PARD3: variants seen among roughly 807,000 people sequenced by gnomAD.
PARD3 encodes the protein par-3 family cell polarity regulator.
Under a neutral mutation model 155.4 loss-of-function variants are expected in PARD3, and 75 were observed. The observed-to-expected ratio is 0.48, with a 90% CI of 0.40 to 0.58. The LOEUF is 0.58. PARD3 is among the 20% of genes least tolerant of loss of function. The pLI, the probability that PARD3 is intolerant of heterozygous loss-of-function variation, is 0.00. For synonymous variants in PARD3, 576 were observed against 610.5 expected (o/e 0.94, Z 0.83); for missense variants, 1,642 against 1,721.7 (o/e 0.95, Z 0.82).
chr10:34,379,007 T>C (rs1841552903), intron 9 of PARD3, among the ~76,000 whole-genome samples: 1 of 152,160 alleles, frequency 6.6e-6, no homozygotes, highest in Admixed American at 6.5e-5. Context: ...ACATTTGTAA[T>C]GAATCACAAC....
At chr10:34,673,426 T>C (rs1370967218) in intron 2 of PARD3, among the ~76,000 whole-genome samples, 1 of 152,216 alleles carries the variant, frequency 6.6e-6, no homozygotes, top group African/African-American at 2.4e-5. Flanking sequence ...CTCGAAAATA[T>C]GAATTGTATT....
chr10:34,127,792 C>T (rs1220996230), intron 23 of PARD3, among the ~76,000 whole-genome samples: 3 of 152,080 alleles, frequency 2.0e-5, no homozygotes, highest in Admixed American at 6.5e-5. Context: ...AGCTTGACAC[C>T]ATGCTCATTA....
chr10:34,561,588 G>A (rs113934069), intron 2 of PARD3, among the ~76,000 whole-genome samples: 3 of 151,484 alleles, frequency 2.0e-5, no homozygotes, highest in African/African-American at 4.9e-5. Flanking sequence ...GCGCGATCTC[G>A]GCTCACTGCA....
chr10:34,453,471 G>A (rs1027958577), intron 4 of PARD3, among the ~76,000 whole-genome samples: 2 of 152,156 alleles, frequency 1.3e-5, no homozygotes, highest in East Asian at 3.9e-4. Flanking sequence ...ACACCAATGT[G>A]GATGACTTTT....
At chr10:34,749,345 G>A (rs375156582) in intron 1 of PARD3, among the ~76,000 whole-genome samples, 15 of 152,178 alleles carry the variant, frequency 9.9e-5, no homozygotes, top group African/African-American at 3.1e-4. Flanking sequence ...CAGAAAGGGG[G>A]CAATGTTATT....
intron 3 of PARD3, among the ~76,000 whole-genome samples, chr10:34,503,041 C>T (rs2080822046): frequency 6.6e-6 from 1 of 151,452 alleles, no homozygotes; most frequent in Non-Finnish European, 1.5e-5. Flanking sequence ...TTCCCAACTC[C>T]CTTATTCTGG....
intron 20 of PARD3, among the ~76,000 whole-genome samples, chr10:34,308,860 C>T (rs894219004): frequency 6.6e-6 from 1 of 152,030 alleles, no homozygotes; most frequent in Admixed American, 6.6e-5. Flanking sequence ...GGCACAAGAC[C>T]TGGAGGACAG....
intron 1 of PARD3, among the ~76,000 whole-genome samples, chr10:34,706,622 G>A (rs561417953): frequency 7.2e-5 from 11 of 152,114 alleles, no homozygotes; most frequent in Admixed American, 2.6e-4. Flanking sequence ...TTAGCTGGAC[G>A]TGGTGGCAGG....
At chr10:34,444,092 G>A (rs2076612517) in intron 5 of PARD3, among the ~76,000 whole-genome samples, 1 of 152,136 alleles carries the variant, frequency 6.6e-6, no homozygotes, top group Admixed American at 6.5e-5. Context: ...AAAAAACATG[G>A]ATTTTGCTCT....
chr10:34,767,504 C>A (rs1838248709), intron 1 of PARD3, among the ~76,000 whole-genome samples: 1 of 152,092 alleles, frequency 6.6e-6, no homozygotes, highest in Non-Finnish European at 1.5e-5. Flanking sequence ...TTAATTCAAC[C>A]TCATTAATTG....
chr10:34,722,228 TTA>T (rs1345685807), intron 1 of PARD3, among the ~76,000 whole-genome samples: 1 of 151,904 alleles, frequency 6.6e-6, no homozygotes, highest in African/African-American at 2.4e-5. Flanking sequence ...TTATATATTT[TTA>T]TATATATACT....
intron 5 of PARD3, among the ~76,000 whole-genome samples, chr10:34,403,226 G>A (rs1030648563): frequency 6.6e-6 from 1 of 152,066 alleles, no homozygotes; most frequent in Non-Finnish European, 1.5e-5. Flanking sequence ...TAATTTGTTA[G>A]GTTGATCTTT....
At chr10:34,615,499 GAAACT>G (rs2091191534) in intron 2 of PARD3, among the ~76,000 whole-genome samples, 1 of 152,148 alleles carries the variant, frequency 6.6e-6, no homozygotes, top group South Asian at 2.1e-4. Context: ...CCAAAACTCT[GAAACT>G]ACTACAAACA....
At chr10:34,358,114 C>T (rs1839079821) in intron 14 of PARD3, among the ~76,000 whole-genome samples, 1 of 152,130 alleles carries the variant, frequency 6.6e-6, no homozygotes, top group South Asian at 2.1e-4. Flanking sequence ...AAAAACTTCA[C>T]ATTTTCAACA....
intron 2 of PARD3, among the ~76,000 whole-genome samples, chr10:34,647,773 T>C (rs542845927): frequency 1.3e-5 from 2 of 152,334 alleles, no homozygotes; most frequent in African/African-American, 4.8e-5. Context: ...TAAGGCCTAT[T>C]TGAGAGAAAT....
rs569844239 is a variant in PARD3 at position 34,636,869 on chromosome 10, G to C, written c.222+59449C>G. On this transcript the variant is annotated intron_variant, in intron 2 of 24. Transcript: ENST00000374788. ...AATAAGCACGAAACAGGAAAACCAA[G>C]AAGGGCAAAGGAATTGTGCAGTTCC... 9.8e-5 allele frequency among the ~76,000 whole-genome samples: 15 copies of C among 152,298 alleles called. No homozygotes were observed. In the East Asian group the frequency reaches 2.9e-3, roughly 29 times the overall value.
intron 2 of PARD3, among the ~76,000 whole-genome samples, chr10:34,681,511 A>C (rs2093819170): frequency 6.6e-6 from 1 of 151,518 alleles, no homozygotes; most frequent in African/African-American, 2.4e-5. Context: ...CTTGCTTTAA[A>C]AGTATGTGGA....
At chr10:34,610,736 A>C (rs1480808958) in intron 2 of PARD3, among the ~76,000 whole-genome samples, 1 of 152,198 alleles carries the variant, frequency 6.6e-6, no homozygotes, top group African/African-American at 2.4e-5. Context: ...TCTGAGCAAA[A>C]TTAAACTGCT....
At position 34,317,175 on chromosome 10, in the gene PARD3, A is replaced by C. The variant is rs764555706; in HGVS notation, c.2997T>G (p.Asp999Glu). The change falls in exon 20 of 25, where the codon GAT becomes GAG. Residue 999 changes from aspartate to glutamate, a missense_variant. By Grantham distance (45) the Asp-to-Glu change is conservative. Coordinates refer to ENST00000374788, the MANE Select transcript of PARD3 (RefSeq NM_001184785.2). The part of the protein sequence containing the change: ...KDKTGKEKKK[D>E]RDKEKDKMKA... ...TCATTTTATCCTTCTCCTTATCTCTATCTTTCTTCTTTTCTTTTCCAGTTT... is the reference window on the plus strand; with the variant it reads ...TCATTTTATCCTTCTCCTTATCTCTCTCTTTCTTCTTTTCTTTTCCAGTTT... 5 of 1,607,332 alleles carry C rather than the reference A, an allele frequency of 3.1e-6. No individual in the cohort carries two copies. In the Admixed American group the frequency reaches 6.8e-5, roughly 22 times the overall value.
Sources: allele counts gnomAD v4.1 joint callset (sites outside exome capture counted in the v4.1 genomes callset), GRCh38; gene constraint gnomAD v4.1.1; transcripts MANE v1.5; gene names NCBI Gene and HGNC (gene_info 2026-07-23, HGNC 2026-07-21).